PHF21B: variants seen among roughly 807,000 people sequenced by gnomAD.
PHF21B encodes PHD finger protein 21B, also known as PHD finger protein 4.
In PHF21B, 22 loss-of-function variants were observed where a neutral mutation model predicts 62.2. That is an observed-to-expected ratio of 0.35 (90% confidence interval 0.25 to 0.51). PHF21B has a LOEUF of 0.51. Ranked by LOEUF, PHF21B falls within the 20% of genes least tolerant of loss-of-function variation. PHF21B has a pLI of 0.97. For missense variants in PHF21B, 701 were observed against 707.9 expected, an observed-to-expected ratio of 0.99 and a Z score of 0.11; for synonymous variants, 341 against 314.7, an observed-to-expected ratio of 1.08 and a Z score of -0.88.
chr22:44,964,479 CG>C (rs1347959099), intron 2 of PHF21B, among the ~76,000 whole-genome samples: 2 of 147,912 alleles, frequency 1.4e-5, no homozygotes, highest in African/African-American at 2.4e-5. Context: ...CCCAAACCTC[CG>C]ATCTTCAGCA....
At chr22:44,884,242 C>T (rs1418133990) in intron 12 of PHF21B, among the ~76,000 whole-genome samples, 2 of 151,402 alleles carry the variant, frequency 1.3e-5, no homozygotes, top group African/African-American at 2.4e-5. Context: ...GTGATCAGCA[C>T]CATCACCACC....
At chr22:44,889,975 G>C (rs2070933346) in intron 8 of PHF21B, among the ~76,000 whole-genome samples, 193 bp from the exon 9 acceptor site, 1 of 151,388 alleles carries the variant, frequency 6.6e-6, no homozygotes, top group African/African-American at 2.4e-5. Flanking sequence ...TGTGATACCT[G>C]GGATCTTACC....
At chr22:44,890,680 G>A (rs189616666) in intron 8 of PHF21B, among the ~76,000 whole-genome samples, 1 of 152,396 alleles carries the variant, frequency 6.6e-6, no homozygotes, top group East Asian at 1.9e-4. Context: ...CTGTCTGAAT[G>A]CAAGGATGTG....
chr22:44,887,971 G>A lies in PHF21B; in HGVS notation c.1189C>T (p.Gln397Ter). ...CACACAGCCTCCTGTACCTTCTGCTGGCACCTGGGGCACACCCACACGCCC... is the reference window on the plus strand; with the variant it reads ...CACACAGCCTCCTGTACCTTCTGCTAGCACCTGGGGCACACCCACACGCCC... ...PKGVWVCPRC[Q>*]QKALKKDEGV... The change falls in exon 10 of 13, where the codon CAG (glutamine) becomes TAG (stop). Residue 397 changes from glutamine (Q) to a stop codon, truncating the protein, a stop_gained. Transcript: ENST00000313237. LOFTEE classifies it high-confidence loss of function. The A allele has an allele frequency of 6.5e-7, 1 of 1,528,084 alleles. No individual in the cohort carries two copies. Among genetic ancestry groups the A allele is most frequent in the Non-Finnish European group, 8.8e-7 (1 of 1,136,462 alleles). 94.7% of individuals were successfully genotyped at this position (1,528,084 alleles called of 1,614,324 possible). A position where few individuals can be genotyped will look rare whatever the true frequency, so the allele number is the denominator to read the frequency against.
rs1197482792 is a variant in PHF21B, at chr22:44,913,930, C to A, written c.723G>T (p.Gln241His). The A allele has an allele frequency of 1.2e-6, 2 of 1,600,460 alleles. No individual in the cohort carries two copies. ...VIIIQPQVQT[Q>H]PESTAESRPP... is the part of the protein sequence containing the mutation. ...GCCGCGACTCTGCCGTGCTCTCGGG[C>A]TGCGTCTGCACTTGAGGCTGAATGA... Residue 241 changes from glutamine (Q) to histidine (H), a missense_variant, in exon 5 of 13, where the codon CAG (glutamine) becomes CAT (histidine). Gln to His is a conservative substitution (Grantham distance 24, BLOSUM62 0). Coordinates refer to ENST00000313237, the MANE Select transcript of PHF21B (RefSeq NM_138415.5).
At chr22:44,985,741 T>A (rs900666976) in intron 2 of PHF21B, among the ~76,000 whole-genome samples, 1 of 152,154 alleles carries the variant, frequency 6.6e-6, no homozygotes, top group Non-Finnish European at 1.5e-5. Flanking sequence ...TTACTCACCA[T>A]AGGAGGTGGT....
intron 2 of PHF21B, among the ~76,000 whole-genome samples, chr22:44,998,915 A>C (rs1229530773): frequency 1.3e-5 from 2 of 152,208 alleles, no homozygotes; most frequent in South Asian, 2.1e-4. Flanking sequence ...CTTTGAGACC[A>C]GGACCCAGCC....
intron 2 of PHF21B, among the ~76,000 whole-genome samples, chr22:44,944,720 T>A (rs2072029207): frequency 6.6e-6 from 1 of 152,080 alleles, no homozygotes; most frequent in Admixed American, 6.5e-5. Flanking sequence ...TTCGAGAACA[T>A]CCCCAGAGCC....
intron 2 of PHF21B, among the ~76,000 whole-genome samples, chr22:44,957,338 C>T (rs566055617): frequency 9.2e-5 from 14 of 152,302 alleles, no homozygotes; most frequent in African/African-American, 3.1e-4. Flanking sequence ...CATGAAAAAC[C>T]CTCTGAAGGT....
rs536845018 is a variant in PHF21B at position 44,934,321 on chromosome 22, C to T, written c.121-13831G>A. On this transcript the variant is annotated intron_variant, in intron 2 of 12. Transcript: ENST00000313237. Reference sequence around the variant, plus strand: ...TGGTACCCAGCCACCCATCACCGCACGCGACCTAAGACAAGACAGGCACAT... The same window carrying T: ...TGGTACCCAGCCACCCATCACCGCATGCGACCTAAGACAAGACAGGCACAT... Among the ~76,000 whole-genome samples, 67 of 152,336 alleles carry T rather than the reference C, an allele frequency of 4.4e-4. 3 individuals carry two copies. The South Asian group carries it at 6.2e-3, about 14-fold the overall frequency.
intron 2 of PHF21B, among the ~76,000 whole-genome samples, chr22:45,005,675 C>T (rs1176968996): frequency 1.3e-5 from 2 of 152,166 alleles, no homozygotes; most frequent in East Asian, 1.9e-4. Context: ...ACCTGGATAA[C>T]GGGGTCATCT....
intron 2 of PHF21B, among the ~76,000 whole-genome samples, chr22:44,988,887 T>C (rs2072997537): frequency 6.6e-6 from 1 of 152,154 alleles, no homozygotes; most frequent in African/African-American, 2.4e-5. Context: ...CAGATGGCAG[T>C]GTCCGGTGAG....
chr22:44,915,856 G>T (rs867910075), intron 4 of PHF21B, among the ~76,000 whole-genome samples: 1 of 152,150 alleles, frequency 6.6e-6, no homozygotes, highest in Non-Finnish European at 1.5e-5. Context: ...TTGTGCACTT[G>T]GGCAGTGGGG....
At chr22:44,958,182 T>C (rs5766232) in intron 2 of PHF21B, among the ~76,000 whole-genome samples, 121,825 of 152,068 alleles carry the variant, frequency 0.8, 48,956 homozygotes, top group East Asian at 0.89. Flanking sequence ...GGATTACAGG[T>C]GTGAGCCACC....
chr22:44,987,776 CT>C (rs2072977918), intron 2 of PHF21B, among the ~76,000 whole-genome samples: 14 of 152,010 alleles, frequency 9.2e-5, no homozygotes, highest in Non-Finnish European at 1.6e-4. Context: ...CTCTCTCTCT[CT>C]CTCTCTCTCT....
At chr22:44,909,630 C>T (rs2071310903) in intron 5 of PHF21B, among the ~76,000 whole-genome samples, 1 of 152,244 alleles carries the variant, frequency 6.6e-6, no homozygotes, top group African/African-American at 2.4e-5. Context: ...GCATTCAGGC[C>T]CTCCAGGACC....
At chr22:45,003,335 A>G (rs55849429) in intron 2 of PHF21B, 2 of 152,242 alleles carry the variant, frequency 1.3e-5, no homozygotes, top group Non-Finnish European at 2.9e-5. Flanking sequence ...GAAGATCTAC[A>G]CAAGCAAGGC....
At chr22:44,980,957 A>T (rs890976888) in intron 2 of PHF21B, among the ~76,000 whole-genome samples, 2 of 152,228 alleles carry the variant, frequency 1.3e-5, no homozygotes, top group Non-Finnish European at 2.9e-5. Flanking sequence ...TTGCTAATCA[A>T]ATCAAACCAT....
Position 44,999,983 on chromosome 22 carries a change from T to C in PHF21B, c.120+8562A>G, listed in dbSNP as rs2073185375. On this transcript the variant is annotated intron_variant, in intron 2 of 12. Coordinates refer to ENST00000313237, the MANE Select transcript of PHF21B (RefSeq NM_138415.5). ...GGCCTCTCGAAGATTGTTTCTTGAG[T>C]GCTCACCGAGCACCAGGCACTCTGC... Among the ~76,000 whole-genome samples, 8 of 152,222 alleles carry C rather than the reference T, an allele frequency of 5.3e-5. No individual in the cohort carries two copies. The South Asian group carries it at 1.7e-3, about 32-fold the overall frequency.
Sources: allele counts gnomAD v4.1 joint callset (sites outside exome capture counted in the v4.1 genomes callset), GRCh38; gene constraint gnomAD v4.1.1; transcripts MANE v1.5; gene names NCBI Gene and HGNC (gene_info 2026-07-23, HGNC 2026-07-21).